The following TENM3 variants were observed in gnomAD, a reference collection of about 807,000 sequenced individuals.
TENM3 encodes the protein teneurin transmembrane protein 3, also known as teneurin-3.
A neutral mutation model predicts 255.1 loss-of-function variants in TENM3; 63 were observed. The observed-to-expected ratio is 0.25, with a 90% CI of 0.20 to 0.30. The LOEUF (loss-of-function observed/expected upper bound fraction) is 0.30, where lower values mean the gene tolerates loss of function less well. Ranked by LOEUF, TENM3 falls within the 10% of genes least tolerant of loss-of-function variation. TENM3 has a pLI of 1.00. For synonymous variants in TENM3, 1,306 were observed against 1,322.3 expected, an observed-to-expected ratio of 0.99 and a Z score of 0.27; for missense variants, 2,929 against 3,461.1, an observed-to-expected ratio of 0.85 and a Z score of 3.86.
intron 3 of TENM3, among the ~76,000 whole-genome samples, chr4:182,527,290 G>T (rs1295113914): frequency 6.6e-6 from 1 of 152,070 alleles, no homozygotes; most frequent in African/African-American, 2.4e-5. Context: ...TTTCCAAAAA[G>T]AAACTTGCTT....
At chr4:182,271,221 C>T (rs950803416) in intron 1 of TENM3, among the ~76,000 whole-genome samples, 2 of 152,180 alleles carry the variant, frequency 1.3e-5, no homozygotes, top group Non-Finnish European at 2.9e-5. Flanking sequence ...TAGTTATCGC[C>T]TTACAGCAGG....
intron 5 of TENM3, among the ~76,000 whole-genome samples, chr4:182,632,620 G>T (rs1003393052): frequency 6.6e-6 from 1 of 151,980 alleles, no homozygotes; most frequent in Non-Finnish European, 1.5e-5. Flanking sequence ...ATTTAAAAAG[G>T]CTATTTTCAA....
chr4:182,345,777 G>A (rs1037487390), intron 2 of TENM3, among the ~76,000 whole-genome samples: 1 of 152,112 alleles, frequency 6.6e-6, no homozygotes, highest in Non-Finnish European at 1.5e-5. Context: ...GCAGTGTCAT[G>A]AGTTTTATTA....
At chr4:182,363,864 T>A (rs1365350513) in intron 3 of TENM3, among the ~76,000 whole-genome samples, 1 of 152,130 alleles carries the variant, frequency 6.6e-6, no homozygotes, top group Non-Finnish European at 1.5e-5. Context: ...AGAAAGAACT[T>A]AAAATTTTAG....
At chr4:181,492,476 A>G in the TENM3 span, among the ~76,000 whole-genome samples, 1 of 152,252 alleles carries the variant, frequency 6.6e-6, no homozygotes, top group East Asian at 1.9e-4. Flanking sequence ...GTACAGAATG[A>G]AATTAGAAAG....
chr4:182,476,500 C>A (rs1733695766), intron 3 of TENM3, among the ~76,000 whole-genome samples: 1 of 152,046 alleles, frequency 6.6e-6, no homozygotes, highest in African/African-American at 2.4e-5. Flanking sequence ...GTACTAAGAG[C>A]ATAAAATTTC....
chr4:182,267,023 T>C (rs1410508560), intron 1 of TENM3, among the ~76,000 whole-genome samples: 1 of 152,214 alleles, frequency 6.6e-6, no homozygotes, highest in Admixed American at 6.5e-5. Flanking sequence ...CTCTGGAGAT[T>C]GTAACATCAA....
At chr4:182,559,929 A>G (rs1396924295) in intron 3 of TENM3, among the ~76,000 whole-genome samples, 1 of 152,092 alleles carries the variant, frequency 6.6e-6, no homozygotes. Flanking sequence ...ATTGTTTATA[A>G]CACAAAGAAT....
the TENM3 span, among the ~76,000 whole-genome samples, chr4:181,793,323 G>T: frequency 6.6e-6 from 1 of 152,162 alleles, no homozygotes; most frequent in Non-Finnish European, 1.5e-5. Context: ...TAATTATGAT[G>T]GCTGCCATCA....
At chr4:181,751,972 C>G in the TENM3 span, among the ~76,000 whole-genome samples, 29 of 152,192 alleles carry the variant, frequency 1.9e-4, no homozygotes, top group African/African-American at 6.8e-4. Flanking sequence ...TGTAATCCAT[C>G]ACCTTGATTC....
At chr4:182,196,002 A>G (rs918583858) in intron 1 of TENM3, among the ~76,000 whole-genome samples, 4 of 152,196 alleles carry the variant, frequency 2.6e-5, no homozygotes, top group African/African-American at 9.7e-5. Flanking sequence ...GCCAAGATTA[A>G]CTGCCCTAGA....
At chr4:181,510,672 C>A in the TENM3 span, among the ~76,000 whole-genome samples, 1 of 152,140 alleles carries the variant, frequency 6.6e-6, no homozygotes, top group Non-Finnish European at 1.5e-5. Flanking sequence ...GGTGTCAAGG[C>A]AGAATTTAAG....
At chr4:181,922,360 G>A in the TENM3 span, among the ~76,000 whole-genome samples, 1 of 152,124 alleles carries the variant, frequency 6.6e-6, no homozygotes. Context: ...AATCCATCTG[G>A]TCCTGGACTC....
intron 3 of TENM3, among the ~76,000 whole-genome samples, chr4:182,349,254 A>C (rs1171963555): frequency 2.0e-5 from 3 of 152,224 alleles, no homozygotes; most frequent in Non-Finnish European, 4.4e-5. Flanking sequence ...TGGTCTAAGA[A>C]TTCCAAATGA....
the TENM3 span, among the ~76,000 whole-genome samples, chr4:181,589,508 G>A: frequency 1.3e-5 from 2 of 152,182 alleles, no homozygotes; most frequent in African/African-American, 4.8e-5. Flanking sequence ...AGATTGGAGA[G>A]ATTAAACTAA....
intron 3 of TENM3, among the ~76,000 whole-genome samples, chr4:182,468,826 GT>G (rs1732840716): frequency 5.1e-5 from 1 of 19,456 alleles, no homozygotes; most frequent in African/African-American, 2.7e-4. Flanking sequence ...CTGTGTGCTT[GT>G]GTGTGTGTGT....
chr4:182,452,336 C>T (rs568700184), intron 3 of TENM3, among the ~76,000 whole-genome samples: 12 of 32,262 alleles, frequency 3.7e-4, no homozygotes, highest in East Asian at 1.1e-3. Flanking sequence ...TGGCAGGGGA[C>T]GGGGGGCGGG....
chr4:182,167,414 A>G (rs1307073227), intron 1 of TENM3, among the ~76,000 whole-genome samples: 1 of 152,238 alleles, frequency 6.6e-6, no homozygotes, highest in Non-Finnish European at 1.5e-5. Flanking sequence ...TATTAAATAC[A>G]TATGAAATGC....
intron 11 of TENM3, among the ~76,000 whole-genome samples, chr4:182,686,276 AACTT>A: frequency 6.6e-6 from 1 of 152,208 alleles, no homozygotes; most frequent in South Asian, 2.1e-4. Context: ...AAAGACAGAA[AACTT>A]ACTTAGAATT....
Sources: allele counts gnomAD v4.1 joint callset (sites outside exome capture counted in the v4.1 genomes callset), GRCh38; gene constraint gnomAD v4.1.1; transcripts MANE v1.5; gene names NCBI Gene and HGNC (gene_info 2026-07-23, HGNC 2026-07-21).